Variants in ANKRD26 observed in about 807,000 individuals in gnomAD.
The protein encoded by ANKRD26 is ankyrin repeat domain-containing protein 26.
A neutral mutation model predicts 208.7 loss-of-function variants in ANKRD26; 141 were observed. The ratio of observed to expected loss-of-function variants is 0.68; its 90% CI spans 0.59 to 0.78. The LOEUF is 0.78. Among genes scored for constraint, ANKRD26 ranks in the 30% least tolerant of loss-of-function variants. The pLI, the probability that ANKRD26 is intolerant of heterozygous loss-of-function variation, is 0.00. For missense variants in ANKRD26, 1,889 were observed against 1,938.7 expected, an observed-to-expected ratio of 0.97 and a Z score of 0.48; for synonymous variants, 636 against 660.4, an observed-to-expected ratio of 0.96 and a Z score of 0.57.
chr10:27,064,765 G>A (rs2055180865), intron 11 of ANKRD26, among the ~76,000 whole-genome samples: 1 of 152,038 alleles, frequency 6.6e-6, no homozygotes, highest in South Asian at 2.1e-4. Context: ...TTTATGTTAT[G>A]TCTAAAGAAA....
chr10:26,972,187 A>G (rs1014771990), downstream of ANKRD26, among the ~76,000 whole-genome samples: 4 of 150,922 alleles, frequency 2.7e-5, no homozygotes, highest in African/African-American at 9.8e-5. Flanking sequence ...GTGAGCCGAG[A>G]TCGTGCCACT....
chr10:27,071,779 C>A (rs1173640453), intron 9 of ANKRD26, among the ~76,000 whole-genome samples: 1 of 152,128 alleles, frequency 6.6e-6, no homozygotes, highest in Non-Finnish European at 1.5e-5. Flanking sequence ...CACACTTCCA[C>A]TGGGAAGCCC....
At chr10:26,954,879 A>T in the ANKRD26 span, among the ~76,000 whole-genome samples, 1 of 151,200 alleles carries the variant, frequency 6.6e-6, no homozygotes, top group Non-Finnish European at 1.5e-5. Context: ...GTCTCTGCAG[A>T]GGCAATTTCT....
chr10:27,086,520 T>A lies in ANKRD26; in HGVS notation c.709+19A>T, dbSNP rs1169765658. On this transcript the variant is annotated intron_variant, in intron 5 of 33. Transcript: ENST00000376087. ...CCATGGTACTATTACCAAGAGAAAT[T>A]CACTATTGGAAGTCTTACCTGAATT... The A allele has an allele frequency of 6.2e-7, 1 of 1,604,146 alleles. No homozygotes were observed. The highest frequency in any genetic ancestry group is 2.2e-5 in the East Asian group (1 of 44,500).
intron 5 of ANKRD26, among the ~76,000 whole-genome samples, chr10:26,992,846 G>A (rs1478622556): frequency 6.6e-6 from 1 of 152,120 alleles, no homozygotes; most frequent in Non-Finnish European, 1.5e-5. Context: ...TCAGCCATAA[G>A]TTAAGTTATA....
chr10:27,082,910 G>T, intron 5 of ANKRD26, 77 bp from the exon 6 acceptor site: 1 of 1,500,062 alleles, frequency 6.7e-7, no homozygotes, highest in Non-Finnish European at 9.0e-7. Flanking sequence ...AAGACTGATA[G>T]TTTGTTACAA....
At chr10:27,024,265 A>G (rs2053588251) in intron 28 of ANKRD26, among the ~76,000 whole-genome samples, 182 bp downstream of exon 28, 1 of 152,208 alleles carries the variant, frequency 6.6e-6, no homozygotes, top group Admixed American at 6.5e-5. Context: ...GAATAAGTGT[A>G]ATATTTAGGC....
chr10:27,060,526 A>AGG lies in ANKRD26; in HGVS notation c.1476_1477insCC (p.Tyr493ProfsTer5). Reference sequence around the variant, plus strand: ...AAACTTATTACCTTCAAGTGAAGATATCTCTCAGGAGACTCTAAAAACCAA... The same window carrying AGG: ...AAACTTATTACCTTCAAGTGAAGATAGGTCTCTCAGGAGACTCTAAAAACCAA... On this transcript the variant is annotated frameshift_variant, in exon 14 of 34. Coordinates refer to ENST00000376087, the MANE Select transcript of ANKRD26 (RefSeq NM_014915.3). LOFTEE classifies it high-confidence loss of function. 6.5e-7 allele frequency: 1 copy of AGG among 1,544,450 alleles called. No homozygotes were observed. The highest frequency in any genetic ancestry group is 8.9e-7 in the Non-Finnish European group (1 of 1,120,432).
intron 5 of ANKRD26, among the ~76,000 whole-genome samples, chr10:27,083,166 C>T (rs941536923): frequency 5.3e-5 from 8 of 152,266 alleles, no homozygotes; most frequent in Admixed American, 4.6e-4. Context: ...TCACTAAATC[C>T]TATTAACTGT....
intron 6 of ANKRD26, chr10:27,080,018 G>A (rs1050861841): frequency 1.3e-5 from 5 of 391,808 alleles, no homozygotes; most frequent in South Asian, 7.2e-5. Flanking sequence ...TTAGCTGGGT[G>A]TGGTGGTGTG....
chr10:27,006,018 C>T (rs1029527948), intron 33 of ANKRD26, among the ~76,000 whole-genome samples: 2 of 152,062 alleles, frequency 1.3e-5, no homozygotes, highest in Admixed American at 1.3e-4. Context: ...TATGATCCAC[C>T]TCTAACAAAC....
chr10:26,969,051 C>G (rs1207455116), downstream of ANKRD26, among the ~76,000 whole-genome samples: 2 of 152,184 alleles, frequency 1.3e-5, no homozygotes, highest in African/African-American at 4.8e-5. Context: ...CGTTTAGACT[C>G]TGGAATTCAG....
chr10:26,951,784 T>C, the ANKRD26 span, among the ~76,000 whole-genome samples: 1 of 152,220 alleles, frequency 6.6e-6, no homozygotes, highest in African/African-American at 2.4e-5. Flanking sequence ...TTTAACGGTG[T>C]ATTAGTCATA....
intron 9 of ANKRD26, among the ~76,000 whole-genome samples, chr10:27,075,791 G>A (rs1035389291): frequency 6.6e-6 from 1 of 152,156 alleles, no homozygotes; most frequent in African/African-American, 2.4e-5. Context: ...GAGAACTGCA[G>A]AATATACATG....
At chr10:27,082,220 A>G (rs1286485649) in intron 6 of ANKRD26, among the ~76,000 whole-genome samples, 1 of 152,180 alleles carries the variant, frequency 6.6e-6, no homozygotes, top group Non-Finnish European at 1.5e-5. Flanking sequence ...TATAATTAAC[A>G]CAATATGGTC....
intron 15 of ANKRD26, among the ~76,000 whole-genome samples, chr10:27,059,895 A>G (rs1177784427): frequency 6.7e-6 from 1 of 150,032 alleles, no homozygotes; most frequent in East Asian, 1.9e-4. Context: ...ACTCTGTATC[A>G]AAACAAAAAA....
chr10:27,050,385 T>C (rs1287617809), intron 16 of ANKRD26, among the ~76,000 whole-genome samples: 1 of 152,160 alleles, frequency 6.6e-6, no homozygotes, highest in Non-Finnish European at 1.5e-5. Flanking sequence ...AGGGTATACA[T>C]GCCCAAACTT....
chr10:27,073,478 T>C (rs1341484268), intron 9 of ANKRD26, among the ~76,000 whole-genome samples: 1 of 152,200 alleles, frequency 6.6e-6, no homozygotes, highest in East Asian at 1.9e-4. Context: ...CTGATCTGAT[T>C]AGCTGGAACA....
At chr10:27,003,110 G>C (rs2052761571), downstream of ANKRD26, among the ~76,000 whole-genome samples, 1 of 152,130 alleles carries the variant, frequency 6.6e-6, no homozygotes, top group Admixed American at 6.5e-5. Flanking sequence ...TTCACTTACA[G>C]TCAGATTCCA....
Sources: allele counts gnomAD v4.1 joint callset (sites outside exome capture counted in the v4.1 genomes callset), GRCh38; gene constraint gnomAD v4.1.1; transcripts MANE v1.5; gene names NCBI Gene and HGNC (gene_info 2026-07-23, HGNC 2026-07-21).